CLVS1: variants seen among roughly 807,000 people sequenced by gnomAD.
CLVS1 encodes clavesin-1.
A neutral mutation model predicts 33.1 loss-of-function variants in CLVS1; 10 were observed. The ratio of observed to expected loss-of-function variants is 0.30; its 90% CI spans 0.19 to 0.51. CLVS1 has a LOEUF of 0.51. Among genes scored for constraint, CLVS1 ranks in the 20% least tolerant of loss-of-function variants. CLVS1 has a pLI of 0.97. For missense variants in CLVS1, 343 were observed against 433.4 expected (o/e 0.79, Z 1.85); for synonymous variants, 163 against 166.1 (o/e 0.98, Z 0.14).
chr8:61,056,675 C>G (rs1210785610), upstream of CLVS1, among the ~76,000 whole-genome samples: 1 of 152,220 alleles, frequency 6.6e-6, no homozygotes, highest in South Asian at 2.1e-4. Flanking sequence ...ACACAAATCT[C>G]AAGCCCACCA....
rs373617345 is a variant in CLVS1, at chr8:61,319,508, A to G, written c.455+19226A>G. On this transcript the variant is annotated intron_variant, in intron 2 of 5. Transcript: ENST00000325897. ...GCTCCTCATTTTATGTGGGGAGACC[A>G]GTTTTAGTTTCAGTCCCAAGGCCTT... is the stretch of plus-strand genomic sequence containing the variant. Among the ~76,000 whole-genome samples the G allele has an allele frequency of 3.9e-5, 6 of 152,240 alleles. No homozygotes were observed. The East Asian group carries it at 9.7e-4, about 25-fold the overall frequency.
intron 1 of CLVS1, among the ~76,000 whole-genome samples, chr8:61,107,854 T>C (rs1462513524): frequency 6.6e-6 from 1 of 152,216 alleles, no homozygotes; most frequent in Non-Finnish European, 1.5e-5. Context: ...GGTGAAATTG[T>C]GAACCAACAT....
At chr8:61,131,603 G>A (rs754188416) in intron 1 of CLVS1, among the ~76,000 whole-genome samples, 1 of 151,932 alleles carries the variant, frequency 6.6e-6, no homozygotes, top group Non-Finnish European at 1.5e-5. Flanking sequence ...TTTGTTGCTG[G>A]CAGAGAAGAA....
chr8:61,498,679 T>C (rs1319214950), intron 5 of CLVS1, among the ~76,000 whole-genome samples: 1 of 152,260 alleles, frequency 6.6e-6, no homozygotes, highest in Admixed American at 6.5e-5. Flanking sequence ...GAGTGCTTCA[T>C]AAGTTTTAAC....
chr8:61,130,724 C>T (rs959701040), intron 1 of CLVS1, among the ~76,000 whole-genome samples: 13 of 152,206 alleles, frequency 8.5e-5, no homozygotes, highest in Non-Finnish European at 7.3e-5. Context: ...CTTCCAGTCA[C>T]ATGTTTGAAA....
intron 2 of CLVS1, among the ~76,000 whole-genome samples, chr8:61,221,052 G>T (rs1808204484): frequency 6.6e-6 from 1 of 152,212 alleles, no homozygotes; most frequent in East Asian, 1.9e-4. Context: ...AGACTTCGCT[G>T]AAGTTGCTTA....
chr8:61,090,557 A>G (rs1044267317), intron 1 of CLVS1, among the ~76,000 whole-genome samples: 1 of 152,066 alleles, frequency 6.6e-6, no homozygotes, highest in African/African-American at 2.4e-5. Flanking sequence ...CCAAGGGTGG[A>G]TCCGTGAGCC....
intron 2 of CLVS1, among the ~76,000 whole-genome samples, chr8:61,253,395 C>CGT (rs1808995673): frequency 6.6e-6 from 1 of 152,054 alleles, no homozygotes; most frequent in Admixed American, 6.6e-5. Flanking sequence ...GACAATTATA[C>CGT]GTCTTGGAGT....
chr8:61,460,109 A>C (rs1817320946), intron 5 of CLVS1, among the ~76,000 whole-genome samples: 1 of 152,228 alleles, frequency 6.6e-6, no homozygotes, highest in African/African-American at 2.4e-5. Flanking sequence ...CAACATATGA[A>C]CTTGGGGATG....
At chr8:61,364,328 A>G (rs550821113) in intron 2 of CLVS1, among the ~76,000 whole-genome samples, 1 of 152,292 alleles carries the variant, frequency 6.6e-6, no homozygotes, top group East Asian at 1.9e-4. Flanking sequence ...GCAGCCTTAT[A>G]TCCTGATAGC....
At chr8:61,132,701 T>C (rs1806123485) in intron 2 of CLVS1, among the ~76,000 whole-genome samples, 1 of 152,172 alleles carries the variant, frequency 6.6e-6, no homozygotes, top group Non-Finnish European at 1.5e-5. Flanking sequence ...CGCATGAAGC[T>C]TCAGATGTTC....
In CLVS1 at chr8:61,323,560, A is replaced by G. The variant is rs183337176; in HGVS notation, c.455+23278A>G. Among the ~76,000 whole-genome samples the G allele has an allele frequency of 2.6e-5, 4 of 152,132 alleles. No individual in the cohort carries two copies. The East Asian group carries it at 7.7e-4, about 29-fold the overall frequency. The stretch of plus-strand genomic sequence containing the variant: ...ACATTCCACCAAAAGTCTCACCTCA[A>G]TTTTCGGTGTCAAGCTCAAAGGCCA... On this transcript the variant is annotated intron_variant, in intron 2 of 5. Coordinates refer to ENST00000325897, the MANE Select transcript of CLVS1 (RefSeq NM_173519.3).
chr8:61,013,734 C>A, the CLVS1 span, among the ~76,000 whole-genome samples: 1 of 152,196 alleles, frequency 6.6e-6, no homozygotes, highest in African/African-American at 2.4e-5. Flanking sequence ...ACATGCTGGT[C>A]CATGGATTTC....
At chr8:61,034,789 A>G in the CLVS1 span, among the ~76,000 whole-genome samples, 1 of 152,216 alleles carries the variant, frequency 6.6e-6, no homozygotes, top group Non-Finnish European at 1.5e-5. Flanking sequence ...ATGCCAATAC[A>G]GTGTTTACAA....
At chr8:61,045,713 T>C in the CLVS1 span, among the ~76,000 whole-genome samples, 1 of 152,222 alleles carries the variant, frequency 6.6e-6, no homozygotes, top group African/African-American at 2.4e-5. Context: ...GAAATTCGTA[T>C]ATTCCACCCA....
At chr8:61,133,429 G>T (rs935276290) in intron 2 of CLVS1, among the ~76,000 whole-genome samples, 19 of 152,202 alleles carry the variant, frequency 1.2e-4, no homozygotes, top group African/African-American at 3.9e-4. Context: ...ACAAAGGCAT[G>T]GCTGTGTGGA....
intron 2 of CLVS1, among the ~76,000 whole-genome samples, chr8:61,364,193 G>A (rs183607240): frequency 2.7e-4 from 41 of 152,290 alleles, no homozygotes; most frequent in Non-Finnish European, 5.0e-4. Flanking sequence ...CCACCACTAG[G>A]CATTACAGGA....
chr8:61,219,758 A>G (rs892168595), intron 2 of CLVS1, among the ~76,000 whole-genome samples: 7 of 152,134 alleles, frequency 4.6e-5, no homozygotes, highest in African/African-American at 1.7e-4. Context: ...AATTTACATT[A>G]CCACCAACAG....
Position 61,500,966 on chromosome 8 carries a change from A to G in CLVS1, c.*1424A>G, listed in dbSNP as rs1371226294. 1 of 152,210 alleles carries G rather than the reference A, an allele frequency of 6.6e-6. No homozygotes were observed. The highest frequency in any genetic ancestry group is 1.5e-5 in the Non-Finnish European group (1 of 68,030). 9.4% of individuals were successfully genotyped at this position (152,210 alleles called of 1,614,324 possible). On this transcript the variant is annotated 3_prime_UTR_variant, in exon 6 of 6. Transcript: ENST00000325897. ...ACATCATCTCTTTCTCAATGGATCTAATGTTTTAATTTTTTCCCCTATTGG... is the reference window on the plus strand; with the variant it reads ...ACATCATCTCTTTCTCAATGGATCTGATGTTTTAATTTTTTCCCCTATTGG...
Sources: allele counts gnomAD v4.1 joint callset (sites outside exome capture counted in the v4.1 genomes callset), GRCh38; gene constraint gnomAD v4.1.1; transcripts MANE v1.5; gene names NCBI Gene and HGNC (gene_info 2026-07-23, HGNC 2026-07-21).